NPSR1: variants seen among roughly 807,000 people sequenced by gnomAD.
NPSR1 encodes the protein neuropeptide S receptor.
Under a neutral mutation model 46.9 loss-of-function variants are expected in NPSR1, and 48 were observed. The ratio of observed to expected loss-of-function variants is 1.02; its 90% CI spans 0.81 to 1.30. The LOEUF (loss-of-function observed/expected upper bound fraction) is 1.30, where lower values mean the gene tolerates loss of function less well. Ranked by LOEUF, NPSR1 falls within the 50% of genes most tolerant of loss-of-function variation. The probability of loss-of-function intolerance (pLI) is 0.00; values close to 1 mark genes in which losing one functional copy is unlikely to be tolerated. For synonymous variants in NPSR1, 176 were observed against 168.1 expected (o/e 1.05, Z -0.36); for missense variants, 450 against 449.5 (o/e 1.00, Z -0.01).
At chr7:34,813,417 G>A (rs747412757) in intron 4 of NPSR1, among the ~76,000 whole-genome samples, 2 of 152,198 alleles carry the variant, frequency 1.3e-5, no homozygotes, top group Non-Finnish European at 2.9e-5. Context: ...TGCAGGAACA[G>A]GATTTGAACC....
chr7:34,787,132 T>C (rs1189671390), intron 3 of NPSR1, among the ~76,000 whole-genome samples: 1 of 152,152 alleles, frequency 6.6e-6, no homozygotes, highest in Non-Finnish European at 1.5e-5. Context: ...AAAACTATCG[T>C]TTACTGTAGC....
At chr7:34,723,554 T>G (rs1271430766) in intron 2 of NPSR1, among the ~76,000 whole-genome samples, 1 of 150,300 alleles carries the variant, frequency 6.7e-6, no homozygotes, top group Non-Finnish European at 1.5e-5. Context: ...AATAAATAAA[T>G]AAAGATGAAT....
At chr7:34,679,807 T>C (rs756330216) in intron 1 of NPSR1, among the ~76,000 whole-genome samples, 2 of 152,108 alleles carry the variant, frequency 1.3e-5, no homozygotes, top group African/African-American at 2.4e-5. Context: ...AAAATTAGTA[T>C]AGAAATCATT....
intron 2 of NPSR1, among the ~76,000 whole-genome samples, chr7:34,740,258 C>T (rs565067956): frequency 2.6e-5 from 4 of 152,032 alleles, no homozygotes; most frequent in South Asian, 2.1e-4. Context: ...CACCATGCCC[C>T]GCCAACAGCA....
chr7:34,772,664 C>A lies in NPSR1; in HGVS notation c.281-5798C>A, dbSNP rs571777410. On this transcript the variant is annotated intron_variant, in intron 2 of 8. Coordinates refer to ENST00000360581, the MANE Select transcript of NPSR1 (RefSeq NM_207172.2). ...CAATTTCAGCCCCCATTCACCCTTCCACAACAGCAGGGGCAGGGCACCCTA... is the reference window on the plus strand; with the variant it reads ...CAATTTCAGCCCCCATTCACCCTTCAACAACAGCAGGGGCAGGGCACCCTA... Among the ~76,000 whole-genome samples, 7 of 152,252 alleles carry A rather than the reference C, an allele frequency of 4.6e-5. No individual in the cohort carries two copies. The East Asian group carries it at 9.7e-4, about 21-fold the overall frequency.
chr7:34,714,662 T>G (rs1013122278), intron 2 of NPSR1, among the ~76,000 whole-genome samples: 8 of 152,188 alleles, frequency 5.3e-5, no homozygotes, highest in Non-Finnish European at 1.0e-4. Flanking sequence ...AGCTCCAAGC[T>G]GGGCTCATTT....
Position 34,693,069 on chromosome 7 carries a change from C to T in NPSR1, c.280+8385C>T, listed in dbSNP as rs114834255. On this transcript the variant is annotated intron_variant, in intron 2 of 8. Transcript: ENST00000360581. Reference sequence around the variant, plus strand: ...TGAGCTTTTGTGAGATCTGGTGTTGCACCCCCCTGCTCTCTCTCTCTTGAT... The same window carrying T: ...TGAGCTTTTGTGAGATCTGGTGTTGTACCCCCCTGCTCTCTCTCTCTTGAT... Among the ~76,000 whole-genome samples, 702 of 152,226 alleles carry T rather than the reference C, an allele frequency of 4.6e-3. 4 individuals carry two copies. The highest frequency in any genetic ancestry group is 0.016 in the African/African-American group (664 of 41,524).
intron 2 of NPSR1, among the ~76,000 whole-genome samples, chr7:34,769,166 CT>C: frequency 6.6e-6 from 1 of 152,060 alleles, no homozygotes; most frequent in East Asian, 1.9e-4. Context: ...ATTAATTGAG[CT>C]TTTTATGATT....
chr7:34,786,397 T>C (rs1315270071), intron 3 of NPSR1, among the ~76,000 whole-genome samples: 1 of 152,182 alleles, frequency 6.6e-6, no homozygotes, highest in Non-Finnish European at 1.5e-5. Context: ...TTTCCACCAC[T>C]TTCGCAGTAC....
intron 1 of NPSR1, among the ~76,000 whole-genome samples, chr7:34,668,866 A>C (rs1466972401): frequency 6.6e-6 from 1 of 152,204 alleles, no homozygotes; most frequent in Non-Finnish European, 1.5e-5. Flanking sequence ...GTTCATGGTC[A>C]CGTCTGGTAT....
chr7:34,776,194 A>G (rs1786949791), intron 2 of NPSR1, among the ~76,000 whole-genome samples: 1 of 152,126 alleles, frequency 6.6e-6, no homozygotes, highest in Non-Finnish European at 1.5e-5. Context: ...TGTGGAAAAT[A>G]ATGTGTATTC....
intron 4 of NPSR1, among the ~76,000 whole-genome samples, chr7:34,820,199 T>C (rs1034387603): frequency 6.6e-6 from 1 of 152,244 alleles, no homozygotes; most frequent in Non-Finnish European, 1.5e-5. Flanking sequence ...GCATTGCTTG[T>C]AATGATGGTT....
intron 3 of NPSR1, among the ~76,000 whole-genome samples, chr7:34,792,689 G>GTATACATATATATT (rs1787966241): frequency 1.3e-5 from 1 of 74,338 alleles, no homozygotes; most frequent in African/African-American, 5.0e-5. Context: ...ATATATATAT[G>GTATACATATATATT]TATATATATA....
At chr7:34,712,744 T>G (rs1203223358) in intron 2 of NPSR1, among the ~76,000 whole-genome samples, 1 of 152,214 alleles carries the variant, frequency 6.6e-6, no homozygotes, top group Non-Finnish European at 1.5e-5. Flanking sequence ...AAAAGGCTAC[T>G]TAATTACTTC....
chr7:34,778,383 C>T, intron 2 of NPSR1, 79 bp from the exon 3 acceptor site: 1 of 800,318 alleles, frequency 1.2e-6, no homozygotes, highest in East Asian at 2.9e-5. Flanking sequence ...GATTTCATTT[C>T]TATTGTGGCT....
chr7:34,693,024 A>G (rs111620342), intron 2 of NPSR1, among the ~76,000 whole-genome samples: 143 of 152,294 alleles, frequency 9.4e-4, no homozygotes, highest in African/African-American at 3.3e-3. Context: ...GCACCAGCCT[A>G]CTGCCCTCAT....
chr7:34,830,204 G>A (rs1178395131), intron 5 of NPSR1, among the ~76,000 whole-genome samples: 2 of 151,806 alleles, frequency 1.3e-5, no homozygotes, highest in Non-Finnish European at 2.9e-5. Context: ...CCTATATTCT[G>A]GCCCCCTGGG....
intron 1 of NPSR1, among the ~76,000 whole-genome samples, chr7:34,673,326 T>C (rs1218977324): frequency 2.0e-5 from 3 of 152,182 alleles, no homozygotes; most frequent in African/African-American, 7.2e-5. Context: ...CAGAAATGTT[T>C]ATGGAATTTG....
At chr7:34,877,406 AGGGCTTCTAGAG>A (rs1400611694) in intron 8 of NPSR1, among the ~76,000 whole-genome samples, 1 of 152,218 alleles carries the variant, frequency 6.6e-6, no homozygotes, top group African/African-American at 2.4e-5. Context: ...AGACAAGACA[AGGGCTTCTAGAG>A]AGAGTGTGGC....
Sources: gnomAD v4.1 joint callset for allele counts (sites outside exome capture counted in the v4.1 genomes callset) on GRCh38, gnomAD v4.1.1 for gene constraint, MANE v1.5 for transcripts, NCBI Gene and HGNC (gene_info 2026-07-23, HGNC 2026-07-21) for gene names.